The following UBIAD1 variants were observed in gnomAD, a reference collection of about 807,000 sequenced individuals.
UBIAD1 encodes the protein ubiA prenyltransferase domain-containing protein 1.
UBIAD1 carries 12 observed loss-of-function variants against 20.1 expected under a neutral mutation model. The ratio of observed to expected loss-of-function variants is 0.60; its 90% CI spans 0.38 to 0.97. UBIAD1 has a LOEUF of 0.97. Among genes scored for constraint, UBIAD1 ranks in the 50% least tolerant of loss-of-function variants. UBIAD1 has a pLI of 0.00. For missense variants in UBIAD1, 333 were observed against 419.5 expected (o/e 0.79, Z 1.80); for synonymous variants, 207 against 189.2 (o/e 1.09, Z -0.77).
Position 11,273,385 on chromosome 1 carries a change from C to A in UBIAD1, c.-147C>A. ...GGTGTAAGACCCACTTGCTGTTGCC[C>A]CCGGACCTTGCCGCCACACCAGCCC... On this transcript the variant is annotated 5_prime_UTR_variant, in exon 1 of 2. Coordinates refer to ENST00000376810, the MANE Select transcript of UBIAD1 (RefSeq NM_013319.3). This position sits in a 1 kb window ranked among gnomAD's most constrained non-coding sequence, Gnocchi z 4.9. 1.0e-6 allele frequency: 1 copy of A among 1,000,686 alleles called. No individual in the cohort carries two copies. The highest frequency in any genetic ancestry group is 1.5e-6 in the Non-Finnish European group (1 of 672,852). 62.0% of individuals were successfully genotyped at this position (1,000,686 alleles called of 1,614,324 possible).
rs1638287047 is a variant in UBIAD1, at chr1:11,287,125, G to C, written c.*994G>C. 1 of 152,382 alleles carries C rather than the reference G, an allele frequency of 6.6e-6. No individual in the cohort carries two copies. The highest frequency in any genetic ancestry group is 1.5e-5 in the Non-Finnish European group (1 of 68,252). The allele number at this position is 152,382 out of a possible 1,614,324, so 9.4% of individuals were successfully genotyped here. ...GAGCAATAGCTTAGCAGCGAGTCAG[G>C]GACAGCTGCCACTTTCCACAGAGCC... On this transcript the variant is annotated 3_prime_UTR_variant, in exon 2 of 2. Coordinates refer to ENST00000376810, the MANE Select transcript of UBIAD1 (RefSeq NM_013319.3).
chr1:11,289,238 C>T (rs1271662525), downstream of UBIAD1, among the ~76,000 whole-genome samples: 1 of 152,208 alleles, frequency 6.6e-6, no homozygotes, highest in Non-Finnish European at 1.5e-5. Context: ...CCCTTAGTAG[C>T]AGTTGGAGCC....
downstream of UBIAD1, among the ~76,000 whole-genome samples, chr1:11,296,454 A>G (rs1638449432): frequency 6.6e-6 from 1 of 152,206 alleles, no homozygotes; most frequent in Non-Finnish European, 1.5e-5. Context: ...TAAATGAGGT[A>G]GTGCTCACAG....
downstream of UBIAD1, chr1:11,295,199 G>T (rs1638428059): frequency 4.8e-6 from 2 of 417,210 alleles, no homozygotes; most frequent in African/African-American, 2.0e-5. Flanking sequence ...TATCAGGAAG[G>T]CTTCCAGGAA....
intron 1 of UBIAD1, chr1:11,278,758 C>A: frequency 3.4e-6 from 2 of 579,908 alleles, no homozygotes; most frequent in South Asian, 2.9e-5. Flanking sequence ...GGTCATCCAC[C>A]ATCCCACTGG....
chr1:11,289,981 T>G (rs1344628024), downstream of UBIAD1, among the ~76,000 whole-genome samples: 1 of 151,986 alleles, frequency 6.6e-6, no homozygotes, highest in African/African-American at 2.4e-5. Flanking sequence ...TCACCCGCCT[T>G]GGCCTCCCAA....
chr1:11,298,461 G>A (rs546511856), downstream of UBIAD1, among the ~76,000 whole-genome samples: 4 of 152,068 alleles, frequency 2.6e-5, no homozygotes, highest in South Asian at 2.1e-4. This position sits in a 1 kb window ranked among gnomAD's most constrained non-coding sequence, Gnocchi z 4.0. Context: ...CAGCTACTCC[G>A]GAGGCTGAGG....
downstream of UBIAD1, chr1:11,293,428 G>A (rs886929619): frequency 1.3e-5 from 2 of 152,216 alleles, no homozygotes; most frequent in African/African-American, 4.8e-5. Flanking sequence ...CCCAGTAAGT[G>A]GTAGGACTAG....
At chr1:11,298,814 G>C (rs1362948718), downstream of UBIAD1, among the ~76,000 whole-genome samples, 1 of 151,234 alleles carries the variant, frequency 6.6e-6, no homozygotes, top group Non-Finnish European at 1.5e-5. The surrounding 1 kb of genome is among the most constrained non-coding windows in gnomAD (Gnocchi z 4.0). Context: ...GAGGATAAGG[G>C]GAAACCACAG....
intron 1 of UBIAD1, among the ~76,000 whole-genome samples, chr1:11,281,801 T>C (rs748996229): frequency 2.0e-5 from 3 of 152,254 alleles, no homozygotes; most frequent in African/African-American, 7.2e-5. Context: ...TTGCCTGTCA[T>C]ATAAATGGAA....
chr1:11,280,317 G>C (rs937370537), intron 1 of UBIAD1, among the ~76,000 whole-genome samples: 1 of 152,072 alleles, frequency 6.6e-6, no homozygotes, highest in Admixed American at 6.6e-5. Context: ...AGTTAGGCAG[G>C]GTCTCTGTCA....
chr1:11,291,332 T>A (rs1291243466), downstream of UBIAD1, among the ~76,000 whole-genome samples: 1 of 151,984 alleles, frequency 6.6e-6, no homozygotes, highest in Admixed American at 6.6e-5. Context: ...ATGGGGCCAA[T>A]CACGGTGGCT....
chr1:11,273,599 A>G lies in UBIAD1; in HGVS notation c.68A>G (p.Asp23Gly). Residue 23 changes from aspartate to glycine, a missense_variant, in exon 1 of 2, where the codon GAC becomes GGC. Asp to Gly is a moderately conservative substitution (Grantham distance 94, BLOSUM62 -1). Transcript: ENST00000376810. This position sits in a 1 kb window ranked among gnomAD's most constrained non-coding sequence, Gnocchi z 4.9. ...TCGGGAGAGACTGTCAAAGCTGGGG[A>G]CAGGGACCCGCTGGGGAACGACTGT... ...ILSGETVKAG[D>G]RDPLGNDCPE... The G allele has an allele frequency of 6.2e-7, 1 of 1,613,876 alleles. No homozygotes were observed. The highest frequency in any genetic ancestry group is 8.5e-7 in the Non-Finnish European group (1 of 1,180,032).
At chr1:11,297,928 GT>G (rs1638473065), downstream of UBIAD1, among the ~76,000 whole-genome samples, 1 of 151,776 alleles carries the variant, frequency 6.6e-6, no homozygotes, top group Admixed American at 6.6e-5. Flanking sequence ...TACCAGAGTT[GT>G]TACTATTACT....
intron 1 of UBIAD1, among the ~76,000 whole-genome samples, chr1:11,276,418 CT>C (rs954455070): frequency 2.5e-4 from 38 of 151,946 alleles, no homozygotes; most frequent in African/African-American, 8.7e-4. Flanking sequence ...AATCTCAGCA[CT>C]TCGGGAGGCC....
Position 11,286,272 on chromosome 1 carries a change from GT to G in UBIAD1, c.*143del. On this transcript the variant is annotated 3_prime_UTR_variant, in exon 2 of 2. Transcript: ENST00000376810. ...CCTGCCTTATAAAAATTGTTTTTGT[GT>G]TCTTAAAGATAATATGTTGTTTTTC... 2 of 1,102,198 alleles carry G rather than the reference GT, an allele frequency of 1.8e-6. No homozygotes were observed. The highest frequency in any genetic ancestry group is 2.8e-5 in the South Asian group (2 of 70,522). 68.3% of individuals were successfully genotyped at this position (1,102,198 alleles called of 1,614,324 possible).
In UBIAD1 at chr1:11,273,929, G is replaced by A. The variant is rs747036820; in HGVS notation, c.398G>A (p.Arg133Gln). Residue 133 changes from arginine to glutamine, a missense_variant, in exon 1 of 2, where the codon CGG becomes CAG. Around this residue, in one of 3 missense-constraint regions of UBIAD1, gnomAD observed 226 missense variants for 263.5 expected, o/e 0.86. Coordinates refer to ENST00000376810, the MANE Select transcript of UBIAD1 (RefSeq NM_013319.3). This position sits in a 1 kb window ranked among gnomAD's most constrained non-coding sequence, Gnocchi z 4.9. The stretch of plus-strand genomic sequence containing the variant: ...ATCTTGGAGCCGCAGGATGTCGTCC[G>A]GTTCGGAGTCTTCCTCTACACGTTG... ...DRILEPQDVV[R>Q]FGVFLYTLGC... 2.5e-6 allele frequency: 4 copies of A among 1,614,106 alleles called. No homozygotes were observed. The highest frequency in any genetic ancestry group is 3.4e-6 in the Non-Finnish European group (4 of 1,180,046).
rs1408118404 is a variant in UBIAD1 at position 11,287,261 on chromosome 1, T to A, written c.*1130T>A. 1 of 152,248 alleles carries A rather than the reference T, an allele frequency of 6.6e-6. No homozygotes were observed. Among genetic ancestry groups the A allele is most frequent in the African/African-American group, 2.4e-5 (1 of 41,440 alleles). 9.4% of individuals were successfully genotyped at this position (152,248 alleles called of 1,614,324 possible). On this transcript the variant is annotated 3_prime_UTR_variant, in exon 2 of 2. Coordinates refer to ENST00000376810, the MANE Select transcript of UBIAD1 (RefSeq NM_013319.3). ...TGCCAGTTAAGGGGCTGTGTCTTCA[T>A]CCTTGAAGACAGATGTGCAATATTG...
rs777757571 is a variant in UBIAD1, at chr1:11,285,797, T to C, written c.683T>C (p.Ile228Thr). Residue 228 changes from isoleucine (I) to threonine (T), a missense_variant, in exon 2 of 2, where the codon ATT (isoleucine) becomes ACT (threonine). Transcript: ENST00000376810. The surrounding 1 kb of genome is among the most constrained non-coding windows in gnomAD (Gnocchi z 4.4). Reference sequence around the variant, plus strand: ...CCCCTCGCCCTCAGCACCGAGGCCATTCTCCATTCCAACAACACCAGGGAC... The same window carrying C: ...CCCCTCGCCCTCAGCACCGAGGCCACTCTCCATTCCAACAACACCAGGGAC... ...AIPLALSTEA[I>T]LHSNNTRDME... The C allele has an allele frequency of 6.2e-7, 1 of 1,614,188 alleles. No homozygotes were observed. The highest frequency in any genetic ancestry group is 1.1e-5 in the South Asian group (1 of 91,082).
Sources: allele counts gnomAD v4.1 joint callset (sites outside exome capture counted in the v4.1 genomes callset), GRCh38; gene constraint gnomAD v4.1.1; regional missense constraint gnomAD v4.1.1; non-coding constraint Gnocchi (gnomAD v3.1); transcripts MANE v1.5; gene names NCBI Gene and HGNC (gene_info 2026-07-23, HGNC 2026-07-21).